Variants in ACTG1 observed in about 807,000 individuals in gnomAD.
ACTG1 encodes the protein actin, cytoplasmic 2.
Under a neutral mutation model 34.3 loss-of-function variants are expected in ACTG1, and 14 were observed. That is an observed-to-expected ratio of 0.41 (90% CI 0.27 to 0.64). The LOEUF is 0.64. ACTG1 is among the 30% of genes least tolerant of loss of function. The pLI, the probability that ACTG1 is intolerant of heterozygous loss-of-function variation, is 0.33. For synonymous variants in ACTG1, 422 were observed against 213.9 expected (o/e 1.97, Z -8.49); for missense variants, 233 against 529.5 (o/e 0.44, Z 5.50).
rs782660741 is a variant in ACTG1 at position 81,510,582 on chromosome 17, G to C, written c.*108C>G. ...CTTCAAGGACAATTTCTTTTCGAAG[G>C]CTTATTCCAGTTTCGTGAGGCTAGC... On this transcript the variant is annotated 3_prime_UTR_variant, in exon 6 of 6. Coordinates refer to ENST00000573283, the MANE Select transcript of ACTG1 (RefSeq NM_001614.5). 3.6e-6 allele frequency: 5 copies of C among 1,400,684 alleles called. No homozygotes were observed. The highest frequency in any genetic ancestry group is 1.7e-5 in the Admixed American group (1 of 58,916). The allele number at this position is 1,400,684 out of a possible 1,614,324, so 86.8% of individuals were successfully genotyped here. A position where few individuals can be genotyped will look rare whatever the true frequency, so the allele number is the denominator to read the frequency against.
At chr17:81,511,715 G>A (rs782260985) in intron 3 of ACTG1, 89 bp from the exon 4 acceptor site, 7 of 1,518,146 alleles carry the variant, frequency 4.6e-6, no homozygotes, top group South Asian at 1.2e-5. Context: ...ATGCCAGTGT[G>A]ATGTGTGGAG....
At position 81,512,253 on chromosome 17, in the gene ACTG1, G is replaced by C. The variant is rs782119646; in HGVS notation, c.102C>G (p.Ile34Met). Residue 34 changes from isoleucine (I) to methionine (M), a missense_variant, in exon 2 of 6, where the codon ATC becomes ATG. Ile to Met is a conservative substitution (Grantham distance 10). Coordinates refer to ENST00000573283, the MANE Select transcript of ACTG1 (RefSeq NM_001614.5). ...TCACCTGGTGTCTGGGGCGCCCGACGATGGAAGGAAACACGGCTCGGGGAG... is the reference window on the plus strand; with the variant it reads ...TCACCTGGTGTCTGGGGCGCCCGACCATGGAAGGAAACACGGCTCGGGGAG... ...DDAPRAVFPS[I>M]VGRPRHQGVM... 6.2e-7 allele frequency: 1 copy of C among 1,613,744 alleles called. No homozygotes were observed. Among genetic ancestry groups the C allele is most frequent in the Non-Finnish European group, 8.5e-7 (1 of 1,179,960 alleles).
At chr17:81,512,437 G>GC in intron 1 of ACTG1, 77 bp from the exon 2 acceptor site, 1 of 1,611,124 alleles carries the variant, frequency 6.2e-7, no homozygotes, top group Middle Eastern at 1.6e-4. Context: ...ATGCCCTCCC[G>GC]CGGGGAAGCC....
chr17:81,511,662 G>T, intron 3 of ACTG1, 36 bp from the exon 4 acceptor site: 1 of 1,598,304 alleles, frequency 6.3e-7, no homozygotes. Context: ...GTCAGGGACA[G>T]AGACCCACGG....
Position 81,512,122 on chromosome 17 carries a change from G to T in ACTG1, c.144C>A (p.Gly48=). The change falls in exon 3 of 6, where the codon GGC becomes GGA. Residue 48 remains glycine (G), a synonymous_variant. Transcript: ENST00000573283. ...CGTCGCCCACGTAGGAGTCCTTCTG[G>T]CCCATGCCCACCATGACGCCCTGCA... is the stretch of plus-strand genomic sequence containing the variant. ...PRHQGVMVGM[G]QKDSYVGDEA... is the part of the protein sequence containing the mutation. The T allele has an allele frequency of 6.2e-7, 1 of 1,613,668 alleles. No individual in the cohort carries two copies. The highest frequency in any genetic ancestry group is 1.1e-5 in the South Asian group (1 of 91,070).
Position 81,510,463 on chromosome 17 carries a change from G to A in ACTG1, c.*227C>T, listed in dbSNP as rs184661152. The A allele has an allele frequency of 1.8e-3, 1,228 of 693,992 alleles. 7 individuals are homozygous for A. The highest frequency in any genetic ancestry group is 1.1e-3 in the Non-Finnish European group (436 of 387,302). The allele number at this position is 693,992 out of a possible 1,614,324, so 43.0% of individuals were successfully genotyped here. On this transcript the variant is annotated 3_prime_UTR_variant, in exon 6 of 6. Transcript: ENST00000573283. ...AGGTTGAACTCAAAGATATGTACAG[G>A]GTATTAAACAAATACCAAGGGGAAC...
At position 81,512,129 on chromosome 17, in the gene ACTG1, C is replaced by T. The variant is rs200210656; in HGVS notation, c.137G>A (p.Gly46Asp). 1 of 1,613,682 alleles carries T rather than the reference C, an allele frequency of 6.2e-7. No homozygotes were observed. The highest frequency in any genetic ancestry group is 1.3e-5 in the African/African-American group (1 of 75,056). The change falls in exon 3 of 6, where the codon GGC becomes GAC. Residue 46 changes from glycine (G) to aspartate (D), a missense_variant. Coordinates refer to ENST00000573283, the MANE Select transcript of ACTG1 (RefSeq NM_001614.5). ...CACGTAGGAGTCCTTCTGGCCCATGCCCACCATGACGCCCTGCAGGGGACG... is the reference window on the plus strand; with the variant it reads ...CACGTAGGAGTCCTTCTGGCCCATGTCCACCATGACGCCCTGCAGGGGACG... Reference protein sequence around the residue: ...GRPRHQGVMVGMGQKDSYVGD... With the variant: ...GRPRHQGVMVDMGQKDSYVGD...
At position 81,510,201 on chromosome 17, in the gene ACTG1, C is replaced by T. The variant is rs1297574944; in HGVS notation, c.*489G>A. On this transcript the variant is annotated 3_prime_UTR_variant, in exon 6 of 6. Transcript: ENST00000573283. ...CCCACGGTGTTCTGGCCAAAGACAT[C>T]AGCTAAGAAAGGAAACTGGGTCCTA... 5.5e-6 allele frequency: 3 copies of T among 541,434 alleles called. No individual in the cohort carries two copies. Among genetic ancestry groups the T allele is most frequent in the African/African-American group, 1.9e-5 (1 of 51,736 alleles). The allele number at this position is 541,434 out of a possible 1,614,324, so 33.5% of individuals were successfully genotyped here.
intron 1 of ACTG1, 52 bp downstream of exon 1, chr17:81,512,681 CG>C (rs1393620846): frequency 1.0e-5 from 4 of 400,606 alleles, no homozygotes; most frequent in African/African-American, 2.2e-5. Context: ...CAGCCGGGGT[CG>C]GGGGGCGCAG....
At chr17:81,511,841 A>C in intron 3 of ACTG1, 62 bp downstream of exon 3, 5 of 1,609,956 alleles carry the variant, frequency 3.1e-6, no homozygotes, top group Non-Finnish European at 4.2e-6. Context: ...GTCAGAAATC[A>C]AGCCGGGCAG....
At position 81,512,431 on chromosome 17, in the gene ACTG1, C is replaced by G. The variant is rs546000843; in HGVS notation, c.-6-71G>C. ...TCCCCTCCCCACAGCCACCTAATGC[C>G]CTCCCGCGGGGAAGCCTCGGCCCTG... is the stretch of plus-strand genomic sequence containing the variant. On this transcript the variant is annotated intron_variant, in intron 1 of 5. Transcript: ENST00000573283. The G allele has an allele frequency of 2.5e-6, 4 of 1,612,348 alleles. No homozygotes were observed. The African/African-American group carries it at 4.0e-5, about 16-fold the overall frequency.
At position 81,511,432 on chromosome 17, in the gene ACTG1, G is replaced by C. The variant is rs142893042; in HGVS notation, c.558C>G (p.Thr186=). ...LRLDLAGRDL[T]DYLMKILTER... ...CAGTGAGGATCTTCATGAGGTAGTC[G>C]GTCAGGTCCCGGCCAGCCAGGTCCA... is the stretch of plus-strand genomic sequence containing the variant. Residue 186 remains threonine, a synonymous_variant, in exon 4 of 6, where the codon ACC becomes ACG. Transcript: ENST00000573283. The C allele has an allele frequency of 1.9e-5, 30 of 1,613,776 alleles. No homozygotes were observed. Among genetic ancestry groups the C allele is most frequent in the African/African-American group, 1.1e-4 (8 of 74,936 alleles).
In ACTG1 at chr17:81,511,513, G is replaced by A. The variant is rs2031772218; in HGVS notation, c.477C>T (p.Val159=). ...CCTCGTAGATGGGCACCGTGTGGGTGACCCCGTCTCCAGAGTCCATGACAA... is the reference window on the plus strand; with the variant it reads ...CCTCGTAGATGGGCACCGTGTGGGTAACCCCGTCTCCAGAGTCCATGACAA... ...TGIVMDSGDG[V]THTVPIYEGY... Residue 159 remains valine, a synonymous_variant, in exon 4 of 6, where the codon GTC becomes GTT. Coordinates refer to ENST00000573283, the MANE Select transcript of ACTG1 (RefSeq NM_001614.5). The A allele has an allele frequency of 1.9e-6, 3 of 1,613,760 alleles. No individual in the cohort carries two copies. Among genetic ancestry groups the A allele is most frequent in the African/African-American group, 1.3e-5 (1 of 74,950 alleles).
chr17:81,512,481 C>G, intron 1 of ACTG1, 121 bp from the exon 2 acceptor site: 1 of 1,540,454 alleles, frequency 6.5e-7, no homozygotes, highest in Non-Finnish European at 8.9e-7. Flanking sequence ...GCCGTGGCCT[C>G]CAAGATCGCA....
Position 81,511,564 on chromosome 17 carries a change from G to A in ACTG1, c.426C>T (p.Leu142=), listed in dbSNP as rs112043655. ...TGCCAGTGGTGCGCCCAGAGGCGTA[G>A]AGGGACAGCACGGCCTGGATGGCCA... ...MYVAIQAVLS[L]YASGRTTGIV... is the part of the protein sequence containing the mutation. Residue 142 remains leucine (L), a synonymous_variant, in exon 4 of 6, where the codon CTC becomes CTT. Transcript: ENST00000573283. The A allele has an allele frequency of 5.0e-6, 8 of 1,613,762 alleles. No homozygotes were observed. Among genetic ancestry groups the A allele is most frequent in the African/African-American group, 4.0e-5 (3 of 74,946 alleles).
intron 1 of ACTG1, 33 bp downstream of exon 1, chr17:81,512,701 C>T (rs1555667507): frequency 2.5e-6 from 1 of 398,658 alleles, no homozygotes; most frequent in Non-Finnish European, 4.7e-6. Flanking sequence ...AGGCCTGCGA[C>T]GTCCAGCTCA....
chr17:81,511,662 G>A, intron 3 of ACTG1, 36 bp from the exon 4 acceptor site: 1 of 1,598,306 alleles, frequency 6.3e-7, no homozygotes, highest in Non-Finnish European at 8.5e-7. Flanking sequence ...GTCAGGGACA[G>A]AGACCCACGG....
rs782350069 is a variant in ACTG1 at position 81,511,918 on chromosome 17, T to C, written c.348A>G (p.Arg116=). 6.2e-7 allele frequency: 1 copy of C among 1,614,112 alleles called. No individual in the cohort carries two copies. Among genetic ancestry groups the C allele is most frequent in the Non-Finnish European group, 8.5e-7 (1 of 1,180,024 alleles). ...CGAGCCTCACCTGAGTCATCTTCTCTCTGTTGGCCTTGGGGTTCAGGGGGG... is the reference window on the plus strand; with the variant it reads ...CGAGCCTCACCTGAGTCATCTTCTCCCTGTTGGCCTTGGGGTTCAGGGGGG... ...TEAPLNPKAN[R]EKMTQIMFET... is the part of the protein sequence containing the mutation. Residue 116 remains arginine, a synonymous_variant, in exon 3 of 6, where the codon AGA becomes AGG. Coordinates refer to ENST00000573283, the MANE Select transcript of ACTG1 (RefSeq NM_001614.5).
chr17:81,512,434 C>G (rs1398724082), intron 1 of ACTG1, 74 bp from the exon 2 acceptor site: 7 of 1,611,554 alleles, frequency 4.3e-6, no homozygotes, highest in African/African-American at 2.7e-5. Flanking sequence ...CTAATGCCCT[C>G]CCGCGGGGAA....
Sources: gnomAD v4.1 joint callset for allele counts on GRCh38, gnomAD v4.1.1 for gene constraint, MANE v1.5 for transcripts, NCBI Gene and HGNC (gene_info 2026-07-23, HGNC 2026-07-21) for gene names.